The following KIAA1217 variants were observed in gnomAD, a reference collection of about 807,000 sequenced individuals.
KIAA1217 encodes the protein KIAA1217.
In KIAA1217, 88 loss-of-function variants were observed where a neutral mutation model predicts 163.9. The ratio of observed to expected loss-of-function variants is 0.54; its 90% CI spans 0.45 to 0.64. KIAA1217 has a LOEUF of 0.64. Ranked by LOEUF, KIAA1217 falls within the 30% of genes least tolerant of loss-of-function variation. The pLI is 0.00. For missense variants in KIAA1217, 2,372 were observed against 2,475.0 expected, an observed-to-expected ratio of 0.96 and a Z score of 0.88; for synonymous variants, 903 against 923.1, an observed-to-expected ratio of 0.98 and a Z score of 0.39.
intron 1 of KIAA1217, among the ~76,000 whole-genome samples, chr10:23,766,314 A>G (rs902098595): frequency 6.6e-6 from 1 of 152,194 alleles, no homozygotes; most frequent in African/African-American, 2.4e-5. Context: ...ATTTATGGCA[A>G]TGGTCTCAAT....
intron 1 of KIAA1217, among the ~76,000 whole-genome samples, chr10:23,771,019 C>T (rs1834772000): frequency 6.6e-6 from 1 of 152,132 alleles, no homozygotes; most frequent in Non-Finnish European, 1.5e-5. Context: ...CACCTTGATA[C>T]AAGTCATCAA....
intron 2 of KIAA1217, among the ~76,000 whole-genome samples, chr10:24,282,732 T>TCTTCTA (rs2078088773): frequency 2.0e-5 from 3 of 151,616 alleles, no homozygotes; most frequent in Admixed American, 1.3e-4. Flanking sequence ...TCCAGGCTCA[T>TCTTCTA]CTTCTACATT....
intron 2 of KIAA1217, among the ~76,000 whole-genome samples, chr10:24,162,476 G>T (rs1409105779): frequency 6.6e-6 from 1 of 152,190 alleles, no homozygotes; most frequent in Admixed American, 6.5e-5. Context: ...CTGAGCTCAG[G>T]CAGGCCCTGG....
chr10:23,765,839 A>G (rs1490799734), intron 1 of KIAA1217, among the ~76,000 whole-genome samples: 2 of 152,200 alleles, frequency 1.3e-5, no homozygotes, highest in South Asian at 2.1e-4. Context: ...CAAATTACCC[A>G]GTCTCAGAGA....
At chr10:24,120,841 A>G (rs1195524797) in intron 2 of KIAA1217, among the ~76,000 whole-genome samples, 1 of 152,202 alleles carries the variant, frequency 6.6e-6, no homozygotes, top group Non-Finnish European at 1.5e-5. Context: ...TATTCCAGTC[A>G]TATCTGAACT....
rs1564859403 is a variant in KIAA1217, at chr10:24,524,570, G to A, written c.2704G>A (p.Ala902Thr). The A allele has an allele frequency of 2.5e-6, 4 of 1,613,972 alleles. No homozygotes were observed. The highest frequency in any genetic ancestry group is 1.1e-5 in the South Asian group (1 of 91,078). Reference protein sequence around the residue: ...VVIQPSQHSVALLNPAQNLPH... With the variant: ...VVIQPSQHSVTLLNPAQNLPH... ...CATCCAGCCCTCCCAGCACTCCGTG[G>A]CCCTGCTGAACCCTGCTCAGAACTT... Residue 902 changes from alanine (A) to threonine (T), a missense_variant, in exon 13 of 21, where the codon GCC becomes ACC. Physicochemically the swap from Ala to Thr is moderately conservative, Grantham distance 58. Coordinates refer to ENST00000376454, the MANE Select transcript of KIAA1217 (RefSeq NM_019590.5).
intron 2 of KIAA1217, among the ~76,000 whole-genome samples, chr10:24,159,663 G>A (rs1564771024): frequency 2.0e-5 from 3 of 152,042 alleles, no homozygotes; most frequent in Admixed American, 1.3e-4. Context: ...GACCCCTGTA[G>A]TCCCAGCTGC....
At chr10:23,785,746 A>AT (rs5783864) in intron 1 of KIAA1217, among the ~76,000 whole-genome samples, 33,029 of 151,900 alleles carry the variant, frequency 0.22, 3,789 homozygotes, top group Middle Eastern at 0.28. Flanking sequence ...GAGTAAGGTC[A>AT]TTTTTTCTAT....
chr10:24,081,525 G>A (rs1362927328), intron 2 of KIAA1217, among the ~76,000 whole-genome samples: 1 of 152,092 alleles, frequency 6.6e-6, no homozygotes, highest in Non-Finnish European at 1.5e-5. Flanking sequence ...CTTCCTCCTC[G>A]TTCCTTCCTT....
intron 2 of KIAA1217, among the ~76,000 whole-genome samples, chr10:24,112,593 A>AT (rs944911327): frequency 5.5e-4 from 82 of 150,200 alleles, no homozygotes; most frequent in Admixed American, 8.0e-4. Context: ...ATTTTATTTT[A>AT]TTTTTTTTTG....
chr10:23,853,219 A>G (rs1170607029), intron 1 of KIAA1217, among the ~76,000 whole-genome samples: 2 of 152,148 alleles, frequency 1.3e-5, no homozygotes, highest in Non-Finnish European at 2.9e-5. Flanking sequence ...AGTTTTTAGC[A>G]TGAAGAGTTG....
chr10:24,120,293 G>C (rs1412889216), intron 2 of KIAA1217, among the ~76,000 whole-genome samples: 2 of 152,190 alleles, frequency 1.3e-5, no homozygotes, highest in Non-Finnish European at 2.9e-5. Flanking sequence ...CCACTTTTGA[G>C]AGCATTTGTG....
Position 24,219,925 on chromosome 10 carries a change from C to T in KIAA1217, c.354+16C>T, listed in dbSNP as rs1308654411. On this transcript the variant is annotated intron_variant, in intron 2 of 20. Coordinates refer to ENST00000376454, the MANE Select transcript of KIAA1217 (RefSeq NM_019590.5). ...GAGAGACCAGGTACGAATATGCTCTCATTTCTCCTTGTGTAGCTCGCTCTC... is the reference window on the plus strand; with the variant it reads ...GAGAGACCAGGTACGAATATGCTCTTATTTCTCCTTGTGTAGCTCGCTCTC... The T allele has an allele frequency of 6.4e-7, 1 of 1,566,924 alleles. No individual in the cohort carries two copies. Among genetic ancestry groups the T allele is most frequent in the Non-Finnish European group, 8.6e-7 (1 of 1,159,664 alleles).
intron 1 of KIAA1217, among the ~76,000 whole-genome samples, chr10:23,849,229 CA>C (rs1353296490): frequency 6.6e-6 from 1 of 152,016 alleles, no homozygotes; most frequent in Non-Finnish European, 1.5e-5. Context: ...TATAAATCTC[CA>C]ATCTAAATCC....
intron 1 of KIAA1217, among the ~76,000 whole-genome samples, chr10:23,790,894 C>T (rs1340113988): frequency 6.6e-6 from 1 of 151,726 alleles, no homozygotes; most frequent in Non-Finnish European, 1.5e-5. Flanking sequence ...GCCACCAGGC[C>T]CAGTTAATTT....
intron 1 of KIAA1217, among the ~76,000 whole-genome samples, chr10:23,967,125 GAAAACAAA>G (rs1845096294): frequency 6.6e-6 from 1 of 151,944 alleles, no homozygotes; most frequent in Non-Finnish European, 1.5e-5. Flanking sequence ...AAGAAAAAGT[GAAAACAAA>G]TGGCAAAATT....
intron 2 of KIAA1217, among the ~76,000 whole-genome samples, chr10:24,032,250 T>G (rs1848218395): frequency 6.6e-6 from 1 of 152,060 alleles, no homozygotes; most frequent in Admixed American, 6.6e-5. Flanking sequence ...GTATTCATAG[T>G]TTTGTTTTGT....
intron 2 of KIAA1217, among the ~76,000 whole-genome samples, chr10:24,159,410 A>G (rs1043601924): frequency 1.9e-4 from 29 of 152,312 alleles, no homozygotes; most frequent in African/African-American, 7.0e-4. Flanking sequence ...ACTTAAACAC[A>G]TAGGATCCAG....
At chr10:24,234,349 G>A (rs1387263423) in intron 2 of KIAA1217, among the ~76,000 whole-genome samples, 1 of 151,886 alleles carries the variant, frequency 6.6e-6, no homozygotes, top group Non-Finnish European at 1.5e-5. Context: ...CCTGTAATGA[G>A]CGTGTTTATT....
Sources: gnomAD v4.1 joint callset for allele counts (sites outside exome capture counted in the v4.1 genomes callset) on GRCh38, gnomAD v4.1.1 for gene constraint, MANE v1.5 for transcripts, NCBI Gene and HGNC (gene_info 2026-07-23, HGNC 2026-07-21) for gene names.